The following TENM2 variants were observed in gnomAD, a reference collection of about 807,000 sequenced individuals.
TENM2 encodes the protein teneurin transmembrane protein 2.
TENM2 carries 52 observed loss-of-function variants against 245.2 expected under a neutral mutation model. The observed-to-expected ratio is 0.21, with a 90% CI of 0.17 to 0.27. The LOEUF (loss-of-function observed/expected upper bound fraction) is 0.27. Among genes scored for constraint, TENM2 ranks in the 10% least tolerant of loss-of-function variants. The pLI, the probability that TENM2 is intolerant of heterozygous loss-of-function variation, is 1.00. For synonymous variants in TENM2, 1,363 were observed against 1,438.9 expected (o/e 0.95, Z 1.19); for missense variants, 3,046 against 3,666.8 (o/e 0.83, Z 4.37).
At chr5:168,007,526 G>A (rs1162230763) in intron 5 of TENM2, among the ~76,000 whole-genome samples, 3 of 152,260 alleles carry the variant, frequency 2.0e-5, no homozygotes, top group Middle Eastern at 3.4e-3. Flanking sequence ...GGAGACTATG[G>A]GGTCTTCAAA....
In TENM2 at chr5:167,764,135, GA is replaced by G. The variant is rs777598651; in HGVS notation, c.503-111842del. Among the ~76,000 whole-genome samples, 18 of 150,708 alleles carry G rather than the reference GA, an allele frequency of 1.2e-4. 1 individual carries two copies. Among genetic ancestry groups the G allele is most frequent in the East Asian group, 9.7e-4 (5 of 5,130 alleles). On this transcript the variant is annotated intron_variant, in intron 2 of 28. Transcript: ENST00000518659. ...CTTAACATTCCAGCTGTGACAAAGA[GA>G]AAAAAAAATATATTGTTAGGGATAA...
At chr5:167,862,468 A>C (rs1228003258) in intron 2 of TENM2, among the ~76,000 whole-genome samples, 2 of 152,210 alleles carry the variant, frequency 1.3e-5, no homozygotes, top group East Asian at 3.8e-4. Context: ...CTTTGCACCC[A>C]ATCCTGAGGA....
chr5:168,051,141 C>T (rs73803862), intron 6 of TENM2, among the ~76,000 whole-genome samples: 1,899 of 152,178 alleles, frequency 0.012, 37 homozygotes, highest in African/African-American at 0.042. Context: ...TTTTAAAGGG[C>T]GCATCATACG....
intron 1 of TENM2, among the ~76,000 whole-genome samples, chr5:167,301,948 C>T (rs773174821): frequency 2.0e-5 from 3 of 151,988 alleles, no homozygotes; most frequent in Admixed American, 6.6e-5. Context: ...GAATTGGGAC[C>T]TAGCTCGGCC....
chr5:167,603,790 C>A (rs1166852854), intron 2 of TENM2, among the ~76,000 whole-genome samples: 1 of 152,150 alleles, frequency 6.6e-6, no homozygotes, highest in African/African-American at 2.4e-5. Context: ...CAGGAAGTAC[C>A]TGAATCTCGA....
chr5:167,546,068 A>G (rs1248271509), intron 2 of TENM2, among the ~76,000 whole-genome samples: 1 of 152,200 alleles, frequency 6.6e-6, no homozygotes, highest in African/African-American at 2.4e-5. Flanking sequence ...TATTATTGTC[A>G]TTTTATAGAT....
In TENM2 at chr5:168,262,704, A is replaced by C. The variant is rs1364843255; in HGVS notation, c.8219A>C (p.Gln2740Pro). ...CAGCTTCTGAGCACCGGGCGCGTGC[A>C]AGGGTACGAGGGATATTACGTGCTT... Residue 2740 changes from glutamine to proline, a missense_variant, in exon 29 of 29, where the codon CAA (glutamine) becomes CCA (proline). By Grantham distance (76) the Gln-to-Pro change is moderately conservative. Transcript: ENST00000518659. The C allele has an allele frequency of 1.9e-6, 3 of 1,610,922 alleles. No individual in the cohort carries two copies. In the Admixed American group the frequency reaches 5.0e-5, roughly 27 times the overall value.
rs1185374801 is a variant in TENM2 at position 168,238,204 on chromosome 5, AGGGAGGGAGG to A, written c.5521-6214_5521-6205del. On this transcript the variant is annotated intron_variant, in intron 25 of 28. Transcript: ENST00000518659. ...GAGAGAGGGAGGGAGGGAGGGAGGGAGGGAGGGAGGGAGAGAGAAGAAAAGAAAAGAAAAG... is the reference window on the plus strand; with the variant it reads ...GAGAGAGGGAGGGAGGGAGGGAGGGAGAGAGAGAAGAAAAGAAAAGAAAAG... Among the ~76,000 whole-genome samples, 69 of 44,760 alleles carry A rather than the reference AGGGAGGGAGG, an allele frequency of 1.5e-3. 9 individuals are homozygous for A. Among genetic ancestry groups the A allele is most frequent in the African/African-American group, 5.2e-3 (61 of 11,640 alleles). The allele number at this position is 44,760 out of a possible 152,430, so 29.4% of individuals were successfully genotyped here.
At chr5:168,144,040 G>A (rs1208303172) in intron 12 of TENM2, among the ~76,000 whole-genome samples, 46 of 148,746 alleles carry the variant, frequency 3.1e-4, no homozygotes, top group Non-Finnish European at 1.2e-4. Flanking sequence ...TGTATTTTTA[G>A]TAGGGACAGA....
chr5:167,310,751 C>T (rs546580566), intron 1 of TENM2, among the ~76,000 whole-genome samples: 1 of 152,256 alleles, frequency 6.6e-6, no homozygotes, highest in South Asian at 2.1e-4. Context: ...TTGGTTGTTA[C>T]ATACAAGTTA....
At chr5:167,141,026 G>C in the TENM2 span, among the ~76,000 whole-genome samples, 3 of 152,136 alleles carry the variant, frequency 2.0e-5, no homozygotes, top group African/African-American at 4.8e-5. Flanking sequence ...TATATGTTCT[G>C]TTTGCCTTCT....
At chr5:167,264,169 G>A in the TENM2 span, among the ~76,000 whole-genome samples, 3 of 150,032 alleles carry the variant, frequency 2.0e-5, no homozygotes, top group East Asian at 3.9e-4. Flanking sequence ...TCATGTTCTC[G>A]CAGTGGTTGA....
chr5:167,843,294 C>T (rs549827671), intron 2 of TENM2, among the ~76,000 whole-genome samples: 2 of 45,132 alleles, frequency 4.4e-5, no homozygotes, highest in East Asian at 2.5e-4. Flanking sequence ...AATTTGAGGA[C>T]GTTTTTGTTT....
At chr5:167,269,606 C>T in the TENM2 span, among the ~76,000 whole-genome samples, 2 of 151,874 alleles carry the variant, frequency 1.3e-5, no homozygotes, top group Middle Eastern at 6.8e-3. Flanking sequence ...TCAGTCCTCC[C>T]TCCCCTACCT....
chr5:167,838,170 C>G (rs1769176878), intron 2 of TENM2, among the ~76,000 whole-genome samples: 1 of 152,200 alleles, frequency 6.6e-6, no homozygotes, highest in Admixed American at 6.5e-5. Context: ...CTTGGTGATA[C>G]AACAGTAGCC....
At chr5:167,076,254 A>G in the TENM2 span, among the ~76,000 whole-genome samples, 1 of 152,194 alleles carries the variant, frequency 6.6e-6, no homozygotes, top group Admixed American at 6.5e-5. Flanking sequence ...CCTACTTTCA[A>G]CCAGACTAGG....
At chr5:167,372,818 T>A (rs1343144182) in intron 1 of TENM2, among the ~76,000 whole-genome samples, 1 of 152,234 alleles carries the variant, frequency 6.6e-6, no homozygotes, top group Non-Finnish European at 1.5e-5. Flanking sequence ...AATAGAAAGA[T>A]CTTGTAATAT....
At chr5:167,014,808 C>T in the TENM2 span, among the ~76,000 whole-genome samples, 1 of 152,158 alleles carries the variant, frequency 6.6e-6, no homozygotes, top group African/African-American at 2.4e-5. Flanking sequence ...CGGGGTGAAA[C>T]CAAACACTAT....
the TENM2 span, among the ~76,000 whole-genome samples, chr5:167,107,091 CAA>C: frequency 0.033 from 2,283 of 68,880 alleles, 62 homozygotes; most frequent in African/African-American, 0.083. Flanking sequence ...CTAAAAAATA[CAA>C]AAAAAAAAAA....
Sources: gnomAD v4.1 joint callset for allele counts (sites outside exome capture counted in the v4.1 genomes callset) on GRCh38, gnomAD v4.1.1 for gene constraint, MANE v1.5 for transcripts, NCBI Gene and HGNC (gene_info 2026-07-23, HGNC 2026-07-21) for gene names.